Variants in CTNNA2 observed in about 807,000 individuals in gnomAD.
CTNNA2 encodes catenin alpha-2.
Under a neutral mutation model 101.0 loss-of-function variants are expected in CTNNA2, and 42 were observed. The ratio of observed to expected loss-of-function variants is 0.42; its 90% CI spans 0.32 to 0.54. The LOEUF (loss-of-function observed/expected upper bound fraction) is 0.54, where lower values mean the gene tolerates loss of function less well. Among genes scored for constraint, CTNNA2 ranks in the 20% least tolerant of loss-of-function variants. The pLI, the probability that CTNNA2 is intolerant of heterozygous loss-of-function variation, is 0.14. For missense variants in CTNNA2, 871 were observed against 1,223.1 expected (o/e 0.71, Z 4.29); for synonymous variants, 450 against 456.4 (o/e 0.99, Z 0.18).
chr2:80,475,718 T>TAACA (rs1330853249), intron 9 of CTNNA2, among the ~76,000 whole-genome samples: 1 of 152,148 alleles, frequency 6.6e-6, no homozygotes, highest in Non-Finnish European at 1.5e-5. Context: ...TCTAATTTAC[T>TAACA]AACAGTCAAA....
chr2:80,075,389 A>G (rs1698607245), intron 7 of CTNNA2, among the ~76,000 whole-genome samples: 1 of 151,788 alleles, frequency 6.6e-6, no homozygotes, highest in South Asian at 2.1e-4. Context: ...TGGCAGTTCA[A>G]TTCTCTCTTA....
intron 2 of CTNNA2, among the ~76,000 whole-genome samples, chr2:79,726,646 A>C (rs773380836): frequency 6.6e-6 from 1 of 152,178 alleles, no homozygotes; most frequent in Non-Finnish European, 1.5e-5. Context: ...CTGGTGCCAG[A>C]AAGGTTAGGG....
chr2:79,842,754 T>C lies in CTNNA2; in HGVS notation c.299-15259T>C, dbSNP rs368624678. 1.4e-4 allele frequency among the ~76,000 whole-genome samples: 21 copies of C among 152,174 alleles called. No homozygotes were observed. In the Middle Eastern group the frequency reaches 0.01, roughly 74 times the overall value. On this transcript the variant is annotated intron_variant, in intron 3 of 18. Transcript: ENST00000402739. ...ATGGAGCTAGTGTCATCCACCTCAC[T>C]GTGAGATTTTATATTTATAAAGTGC...
At chr2:80,059,458 A>C (rs1697430981) in intron 7 of CTNNA2, among the ~76,000 whole-genome samples, 1 of 152,250 alleles carries the variant, frequency 6.6e-6, no homozygotes, top group Admixed American at 6.5e-5. Flanking sequence ...TCCTTGACTA[A>C]GCCACTAGTA....
chr2:79,723,560 T>C (rs114018127), intron 2 of CTNNA2, among the ~76,000 whole-genome samples: 123 of 152,282 alleles, frequency 8.1e-4, no homozygotes, highest in African/African-American at 2.9e-3. Flanking sequence ...CAGGAAGATC[T>C]TGGATGGATT....
At chr2:79,732,679 G>A (rs1340617259) in intron 2 of CTNNA2, among the ~76,000 whole-genome samples, 3 of 151,932 alleles carry the variant, frequency 2.0e-5, no homozygotes, top group Non-Finnish European at 2.9e-5. Flanking sequence ...AACTGTATAC[G>A]ATGATACAGT....
chr2:79,875,089 C>T (rs1682910262), intron 6 of CTNNA2, among the ~76,000 whole-genome samples: 1 of 152,158 alleles, frequency 6.6e-6, no homozygotes, highest in African/African-American at 2.4e-5. Context: ...TGGGGAGAGC[C>T]TGTGTTAGTT....
chr2:80,143,909 T>C (rs936992235), intron 7 of CTNNA2, among the ~76,000 whole-genome samples: 3 of 152,154 alleles, frequency 2.0e-5, no homozygotes, highest in Non-Finnish European at 4.4e-5. Context: ...GATTTTAAAA[T>C]ATATCTGCAG....
intron 7 of CTNNA2, among the ~76,000 whole-genome samples, chr2:80,087,404 A>C (rs1699509927): frequency 6.6e-6 from 1 of 152,076 alleles, no homozygotes; most frequent in East Asian, 1.9e-4. Context: ...CTGAGGTCCA[A>C]GCTAGTTACA....
At chr2:79,544,994 T>C (rs1181899774) in intron 1 of CTNNA2, among the ~76,000 whole-genome samples, 1 of 152,162 alleles carries the variant, frequency 6.6e-6, no homozygotes, top group Non-Finnish European at 1.5e-5. Context: ...AGGCCGGGGC[T>C]ATCCAGAAAG....
intron 2 of CTNNA2, among the ~76,000 whole-genome samples, chr2:79,243,715 GAA>G (rs1301479418): frequency 6.6e-6 from 1 of 152,156 alleles, no homozygotes; most frequent in African/African-American, 2.4e-5. Context: ...TGAGGATCAG[GAA>G]AAGTCTTCCT....
chr2:80,311,764 C>A (rs1677614079), intron 7 of CTNNA2, among the ~76,000 whole-genome samples: 1 of 152,248 alleles, frequency 6.6e-6, no homozygotes, highest in Non-Finnish European at 1.5e-5. Flanking sequence ...CTCAGTCTCA[C>A]AATCTCAGTT....
At chr2:80,586,996 C>T (rs941594909) in intron 14 of CTNNA2, among the ~76,000 whole-genome samples, 21 of 152,090 alleles carry the variant, frequency 1.4e-4, no homozygotes, top group Non-Finnish European at 1.5e-4. Flanking sequence ...ATATCAGTGA[C>T]CCTTGCCCCA....
chr2:80,556,712 A>G (rs532066846), intron 12 of CTNNA2, among the ~76,000 whole-genome samples: 80 of 142,928 alleles, frequency 5.6e-4, no homozygotes, highest in Non-Finnish European at 1.0e-3. Flanking sequence ...TGATTTATAT[A>G]TATGAGATAA....
intron 4 of CTNNA2, among the ~76,000 whole-genome samples, chr2:79,404,036 A>G (rs919576566): frequency 3.3e-5 from 5 of 151,978 alleles, no homozygotes; most frequent in African/African-American, 1.2e-4. Flanking sequence ...CGTAGAATTT[A>G]CTAGAATTCT....
At chr2:80,086,202 CA>C (rs1481001206) in intron 7 of CTNNA2, among the ~76,000 whole-genome samples, 1 of 151,966 alleles carries the variant, frequency 6.6e-6, no homozygotes, top group East Asian at 1.9e-4. Flanking sequence ...ATGTATCAAA[CA>C]AATGAATAAA....
chr2:80,436,530 G>A (rs192880519), intron 9 of CTNNA2, among the ~76,000 whole-genome samples: 14 of 152,216 alleles, frequency 9.2e-5, no homozygotes, highest in Middle Eastern at 3.4e-3. Flanking sequence ...TGCTACAGCC[G>A]CTGCTATGGT....
chr2:80,594,714 A>G lies in CTNNA2; in HGVS notation c.2189+5229A>G, dbSNP rs141493424. On this transcript the variant is annotated intron_variant, in intron 15 of 18. Transcript: ENST00000402739. ...ACATGAGGACTGCTGCTGCTTTTGC[A>G]TGTAGATAATCCAGTTTTACCAGCA... 4.4e-3 allele frequency among the ~76,000 whole-genome samples: 666 copies of G among 152,092 alleles called. 7 individuals carry two copies. Among genetic ancestry groups the G allele is most frequent in the African/African-American group, 0.013 (556 of 41,494 alleles).
Position 80,644,954 on chromosome 2 carries a change from C to A in CTNNA2, c.2575-2631C>A, listed in dbSNP as rs536138255. On this transcript the variant is annotated intron_variant, in intron 18 of 18. Transcript: ENST00000402739. ...CATATTTTTGCTGCAGAATTAAACA[C>A]CATCTATTTGAAAATGGAATCTGTG... Among the ~76,000 whole-genome samples, 15 of 152,270 alleles carry A rather than the reference C, an allele frequency of 9.9e-5. No homozygotes were observed. The East Asian group carries it at 2.9e-3, about 29-fold the overall frequency.
Sources: allele counts gnomAD v4.1 joint callset (sites outside exome capture counted in the v4.1 genomes callset), GRCh38; gene constraint gnomAD v4.1.1; transcripts MANE v1.5; gene names NCBI Gene and HGNC (gene_info 2026-07-23, HGNC 2026-07-21).